The following RNF135 variants were observed in gnomAD, a reference collection of about 807,000 sequenced individuals.
RNF135 encodes E3 ubiquitin-protein ligase RNF135.
Under a neutral mutation model 41.9 loss-of-function variants are expected in RNF135, and 46 were observed. The ratio of observed to expected loss-of-function variants is 1.10; its 90% confidence interval spans 0.87 to 1.40. The LOEUF (loss-of-function observed/expected upper bound fraction) is 1.40. Among genes scored for constraint, RNF135 ranks in the 40% most tolerant of loss-of-function variants. RNF135 has a pLI of 0.00. For missense variants in RNF135, 539 were observed against 549.8 expected (o/e 0.98, Z 0.20); for synonymous variants, 238 against 223.8 (o/e 1.06, Z -0.57).
chr17:30,987,055 G>A (rs1907641201), intron 2 of RNF135, among the ~76,000 whole-genome samples: 1 of 152,084 alleles, frequency 6.6e-6, no homozygotes, highest in South Asian at 2.1e-4. Context: ...GGGAAGGAAA[G>A]GGGTTGAAGT....
intron 1 of RNF135, among the ~76,000 whole-genome samples, chr17:30,980,592 C>A (rs1907046706): frequency 7.1e-6 from 1 of 140,716 alleles, no homozygotes; most frequent in Non-Finnish European, 1.6e-5. Flanking sequence ...CGGAGGGGCT[C>A]CTCACTTCTC....
chr17:30,994,913 C>T (rs1359112966), intron 3 of RNF135, among the ~76,000 whole-genome samples: 1 of 150,830 alleles, frequency 6.6e-6, no homozygotes, highest in Non-Finnish European at 1.5e-5. Context: ...GCTGGGATTA[C>T]AGGTGTGAGC....
intron 1 of RNF135, among the ~76,000 whole-genome samples, chr17:30,976,224 T>C (rs916179251): frequency 6.6e-6 from 1 of 152,176 alleles, no homozygotes; most frequent in Non-Finnish European, 1.5e-5. Flanking sequence ...CAGGATGGTC[T>C]TGAACTCCTG....
chr17:30,979,580 G>C, intron 1 of RNF135, among the ~76,000 whole-genome samples: 1 of 113,908 alleles, frequency 8.8e-6, no homozygotes, highest in Non-Finnish European at 1.9e-5. Flanking sequence ...GCCCGGCAGA[G>C]GGGCTCCTCA....
chr17:30,980,160 G>A (rs1906964307), intron 1 of RNF135: 1 of 143,436 alleles, frequency 7.0e-6, no homozygotes, highest in African/African-American at 2.7e-5. Context: ...GGGGCGGCTG[G>A]GCAGAGGAGC....
At chr17:30,968,559 T>C (rs1046983423), upstream of RNF135, among the ~76,000 whole-genome samples, 2 of 151,690 alleles carry the variant, frequency 1.3e-5, no homozygotes, top group Non-Finnish European at 2.9e-5. Flanking sequence ...CTAATTTTTT[T>C]TGTATTTTTT....
intron 3 of RNF135, chr17:30,993,748 T>G (rs534248583): frequency 1.4e-4 from 133 of 964,886 alleles, no homozygotes; most frequent in Non-Finnish European, 1.3e-4. Flanking sequence ...TGCAAATGCT[T>G]TTTAAAAAAT....
rs1038744647 is a variant in RNF135, at chr17:30,994,943, CTTTAAT to C, written c.680-2289_680-2284del. 7.9e-5 allele frequency among the ~76,000 whole-genome samples: 12 copies of C among 151,004 alleles called. No individual in the cohort carries two copies. The South Asian group carries it at 1.3e-3, about 16-fold the overall frequency. ...GTGAGCCACCACGCCTGGACTGTAA[CTTTAAT>C]TTTAATTTTTTAGGATCAGGTCTTA... On this transcript the variant is annotated intron_variant, in intron 3 of 4. Transcript: ENST00000328381.
chr17:30,999,019 TG>T lies in RNF135; in HGVS notation c.1130del (p.Gly377AlafsTer4), dbSNP rs1350911070. 7 of 1,614,170 alleles carry T rather than the reference TG, an allele frequency of 4.3e-6. No homozygotes were observed. The Middle Eastern group carries it at 4.9e-4, about 114-fold the overall frequency. Reference protein sequence around the residue: ...TVLGSDRPGVVGIWLNLEEGK... With the variant: ...TVLGSDRPGVXGIWLNLEEGK... ...CTTGGCTCAGACAGACCTGGGGTGG[TG>T]GGCATCTGGCTGAACCTTGAGGAGG... On this transcript the variant is annotated frameshift_variant, in exon 5 of 5. Transcript: ENST00000328381. LOFTEE classifies it high-confidence loss of function.
At chr17:30,991,856 T>C (rs1209173180) in intron 3 of RNF135, among the ~76,000 whole-genome samples, 1 of 152,198 alleles carries the variant, frequency 6.6e-6, no homozygotes, top group African/African-American at 2.4e-5. Context: ...CAAATTTTGT[T>C]CCTTAATATG....
chr17:30,974,631 C>G (rs1356246935), intron 1 of RNF135, among the ~76,000 whole-genome samples: 1 of 150,374 alleles, frequency 6.7e-6, no homozygotes. Flanking sequence ...TCTTTCACCT[C>G]TTTGATTAAA....
At chr17:30,972,532 T>G (rs904227945) in intron 1 of RNF135, 3 of 152,232 alleles carry the variant, frequency 2.0e-5, no homozygotes, top group Non-Finnish European at 4.4e-5. Flanking sequence ...TTGTACTCAT[T>G]AAGCAGTAAC....
intron 1 of RNF135, among the ~76,000 whole-genome samples, chr17:30,983,353 A>ATATATATATATAT (rs1420453160): frequency 8.1e-4 from 29 of 35,730 alleles, no homozygotes; most frequent in Non-Finnish European, 1.4e-3. Flanking sequence ...ATATATATAT[A>ATATATATATATAT]TTTTTTTTTT....
chr17:30,983,497 G>A (rs1469113666), intron 1 of RNF135, among the ~76,000 whole-genome samples: 2 of 150,656 alleles, frequency 1.3e-5, no homozygotes, highest in African/African-American at 2.4e-5. Context: ...GGGATTATAG[G>A]TGCCTGCAAC....
At chr17:30,975,478 G>T in intron 1 of RNF135, 1 of 777,306 alleles carries the variant, frequency 1.3e-6, no homozygotes, top group South Asian at 1.3e-5. Context: ...TGGAAGATCT[G>T]AACATCTTGT....
At chr17:30,971,038 C>T, upstream of RNF135, 1 of 1,533,348 alleles carries the variant, frequency 6.5e-7, no homozygotes, top group Non-Finnish European at 8.7e-7. Flanking sequence ...TCGCCCGGCT[C>T]AACCCCGACG....
the RNF135 span, among the ~76,000 whole-genome samples, chr17:30,960,607 C>A: frequency 2.0e-5 from 3 of 152,082 alleles, no homozygotes. Flanking sequence ...TGTAGCCACA[C>A]CCTTCCCCTG....
At chr17:30,961,234 A>G in the RNF135 span, among the ~76,000 whole-genome samples, 1 of 152,182 alleles carries the variant, frequency 6.6e-6, no homozygotes, top group African/African-American at 2.4e-5. Context: ...AACAGTCCCC[A>G]GGTATGGGGC....
intron 1 of RNF135, among the ~76,000 whole-genome samples, chr17:30,979,665 T>C (rs1407265014): frequency 2.5e-3 from 169 of 66,342 alleles, no homozygotes; most frequent in African/African-American, 6.8e-3. Context: ...GGGGGGCTGA[T>C]CCCCCCCACC....
Sources: allele counts gnomAD v4.1 joint callset (sites outside exome capture counted in the v4.1 genomes callset), GRCh38; gene constraint gnomAD v4.1.1; transcripts MANE v1.5; gene names NCBI Gene and HGNC (gene_info 2026-07-23, HGNC 2026-07-21).